USP10: variants seen among roughly 807,000 people sequenced by gnomAD.
USP10 encodes ubiquitin specific peptidase 10.
In USP10, 22 loss-of-function variants were observed where a neutral mutation model predicts 84.5. The ratio of observed to expected loss-of-function variants is 0.26; its 90% CI spans 0.19 to 0.37. The LOEUF is 0.37. Ranked by LOEUF, USP10 falls within the 10% of genes least tolerant of loss-of-function variation. The pLI is 1.00. For missense variants in USP10, 1,019 were observed against 998.9 expected, an observed-to-expected ratio of 1.02 and a Z score of -0.27; for synonymous variants, 454 against 387.6, an observed-to-expected ratio of 1.17 and a Z score of -2.01.
At chr16:84,756,057 A>G (rs1912496584) in intron 4 of USP10, among the ~76,000 whole-genome samples, 1 of 152,000 alleles carries the variant, frequency 6.6e-6, no homozygotes, top group Non-Finnish European at 1.5e-5. Flanking sequence ...GAGTTTCTGC[A>G]GCCCTTGGAT....
At chr16:84,774,068 G>T (rs1334921161) in intron 12 of USP10, among the ~76,000 whole-genome samples, 1 of 152,022 alleles carries the variant, frequency 6.6e-6, no homozygotes, top group African/African-American at 2.4e-5. Context: ...TGACCAACGT[G>T]GTGAAACCCC....
At chr16:84,769,581 C>T (rs1914211821) in intron 11 of USP10, among the ~76,000 whole-genome samples, 1 of 56,270 alleles carries the variant, frequency 1.8e-5, no homozygotes, top group South Asian at 4.4e-4. Context: ...TTCAGTTGTG[C>T]ATTGTGGGTG....
At chr16:84,772,074 C>A (rs1424260453) in intron 11 of USP10, among the ~76,000 whole-genome samples, 1 of 151,972 alleles carries the variant, frequency 6.6e-6, no homozygotes, top group East Asian at 1.9e-4. Flanking sequence ...TTTTCTGAGA[C>A]AAGATCTCGC....
At chr16:84,772,945 G>A (rs943417747) in intron 12 of USP10, among the ~76,000 whole-genome samples, 2 of 152,070 alleles carry the variant, frequency 1.3e-5, no homozygotes, top group South Asian at 2.1e-4. Context: ...CTATCAAAAA[G>A]AACATCACTT....
intron 11 of USP10, among the ~76,000 whole-genome samples, chr16:84,772,331 C>T (rs1396236623): frequency 2.6e-5 from 4 of 152,156 alleles, no homozygotes; most frequent in African/African-American, 9.7e-5. Context: ...GATTAATGGG[C>T]ATGAGCCACT....
intron 2 of USP10, among the ~76,000 whole-genome samples, chr16:84,738,545 C>T (rs1364253636): frequency 6.6e-6 from 1 of 152,180 alleles, no homozygotes; most frequent in African/African-American, 2.4e-5. Context: ...CTGCCAGCAT[C>T]AATGCTGGTG....
intron 1 of USP10, among the ~76,000 whole-genome samples, chr16:84,731,017 G>C (rs954794997): frequency 8.6e-6 from 1 of 115,882 alleles, no homozygotes; most frequent in Non-Finnish European, 1.6e-5. Flanking sequence ...ATCTCTCTCT[G>C]TCAGCAGGCT....
chr16:84,711,945 C>A (rs924741908), intron 1 of USP10, among the ~76,000 whole-genome samples: 1 of 152,048 alleles, frequency 6.6e-6, no homozygotes, highest in Admixed American at 6.5e-5. Flanking sequence ...GTCTTGAACT[C>A]TTGACCTGAA....
chr16:84,741,833 G>C (rs1252041841), intron 3 of USP10, among the ~76,000 whole-genome samples: 1 of 152,160 alleles, frequency 6.6e-6, no homozygotes, highest in Non-Finnish European at 1.5e-5. Context: ...GCACTGTCAT[G>C]GACCTGCCTC....
chr16:84,732,363 A>G, intron 1 of USP10: 1 of 367,090 alleles, frequency 2.7e-6, no homozygotes, highest in Non-Finnish European at 5.2e-6. Flanking sequence ...TGTAGGTTCT[A>G]AATAATTATT....
intron 9 of USP10, 26 bp from the exon 10 acceptor site, chr16:84,764,060 G>A: frequency 6.3e-7 from 1 of 1,599,740 alleles, no homozygotes. Context: ...GTAAATAGTA[G>A]TGTAAGCAGA....
chr16:84,719,452 G>C (rs1323973118), intron 1 of USP10, among the ~76,000 whole-genome samples: 1 of 152,160 alleles, frequency 6.6e-6, no homozygotes, highest in Non-Finnish European at 1.5e-5. Context: ...AATGAGGCCT[G>C]GACTCCACCC....
intron 4 of USP10, among the ~76,000 whole-genome samples, chr16:84,758,140 C>G (rs996330740): frequency 1.3e-5 from 2 of 152,192 alleles, no homozygotes; most frequent in East Asian, 1.9e-4. Context: ...GTTTATAAAA[C>G]AGTTGCTAAA....
intron 4 of USP10, among the ~76,000 whole-genome samples, chr16:84,758,309 T>G (rs73245640): frequency 6.6e-6 from 1 of 152,176 alleles, no homozygotes; most frequent in African/African-American, 2.4e-5. Flanking sequence ...CTGCAAGATA[T>G]CTTTCTATCT....
chr16:84,759,790 T>C (rs896441731), intron 6 of USP10, 101 bp from the exon 7 acceptor site: 1 of 1,217,306 alleles, frequency 8.2e-7, no homozygotes, highest in African/African-American at 1.5e-5. Flanking sequence ...TAAAATCTAC[T>C]ATACTCGTAT....
At position 84,760,294 on chromosome 16, in the gene USP10, G is replaced by T. The variant is rs1352241933; in HGVS notation, c.1554+19G>T. ...TGAAAAGGTTTGAGACTTCTCTGTT[G>T]TCACTAGTATCAAGTGTTGCCTTTT... is the stretch of plus-strand genomic sequence containing the variant. On this transcript the variant is annotated intron_variant, in intron 8 of 13. Coordinates refer to ENST00000219473, the MANE Select transcript of USP10 (RefSeq NM_005153.3). 7.6e-6 allele frequency: 12 copies of T among 1,575,700 alleles called. No individual in the cohort carries two copies. The highest frequency in any genetic ancestry group is 2.3e-5 in the East Asian group (1 of 43,958).
In USP10 at chr16:84,750,253, AAAAAATTAG is replaced by A. The variant is rs1206146968; in HGVS notation, c.1192+4582_1192+4590del. Among the ~76,000 whole-genome samples, 9 of 152,148 alleles carry A rather than the reference AAAAAATTAG, an allele frequency of 5.9e-5. No individual in the cohort carries two copies. In the East Asian group the frequency reaches 1.7e-3, roughly 29 times the overall value. On this transcript the variant is annotated intron_variant, in intron 4 of 13. Transcript: ENST00000219473. ...GGAAATCCCATCTTTACTAAAAATA[AAAAAATTAG>A]ATGGACGTGGTGGCTCATGGCTGTA...
chr16:84,743,648 T>G (rs1910881371), intron 3 of USP10, among the ~76,000 whole-genome samples: 1 of 152,212 alleles, frequency 6.6e-6, no homozygotes, highest in African/African-American at 2.4e-5. Context: ...AACTTCAAAA[T>G]GTGTAACTTT....
rs1298670657 is a variant in USP10, at chr16:84,779,129, C to A, written c.*47C>A. ...CGCCCAGTGCCCGCTTCGTAGGACA[C>A]CACCTCACACTCACTTCCCGCCTCT... On this transcript the variant is annotated 3_prime_UTR_variant, in exon 14 of 14. Transcript: ENST00000219473. 5 of 1,565,232 alleles carry A rather than the reference C, an allele frequency of 3.2e-6. No individual in the cohort carries two copies. Among genetic ancestry groups the A allele is most frequent in the Non-Finnish European group, 4.4e-6 (5 of 1,147,304 alleles).
Sources: gnomAD v4.1 joint callset for allele counts (sites outside exome capture counted in the v4.1 genomes callset) on GRCh38, gnomAD v4.1.1 for gene constraint, MANE v1.5 for transcripts, NCBI Gene and HGNC (gene_info 2026-07-23, HGNC 2026-07-21) for gene names.